The following FAM53A variants were observed in gnomAD, a reference collection of about 807,000 sequenced individuals.
FAM53A encodes the protein family with sequence similarity 53 member A, also known as protein FAM53A.
In FAM53A, 28 loss-of-function variants were observed where a neutral mutation model predicts 26.6. The observed-to-expected ratio is 1.05, with a 90% CI of 0.78 to 1.45. The LOEUF (loss-of-function observed/expected upper bound fraction) is 1.45. Among genes scored for constraint, FAM53A ranks in the 40% most tolerant of loss-of-function variants. The pLI is 0.00. For synonymous variants in FAM53A, 290 were observed against 253.1 expected (o/e 1.15, Z -1.38); for missense variants, 650 against 575.8 (o/e 1.13, Z -1.32).
chr4:1,636,996 C>T (rs1273494589), downstream of FAM53A, among the ~76,000 whole-genome samples: 1 of 152,190 alleles, frequency 6.6e-6, no homozygotes, highest in Non-Finnish European at 1.5e-5. Context: ...GCTGCACATG[C>T]GGCGGCGAGC....
At chr4:1,661,851 T>G (rs1713858039) in intron 2 of FAM53A, among the ~76,000 whole-genome samples, 1 of 152,004 alleles carries the variant, frequency 6.6e-6, no homozygotes, top group African/African-American at 2.4e-5. Context: ...TTCCTCCACA[T>G]GGTTACACAG....
intron 1 of FAM53A, among the ~76,000 whole-genome samples, chr4:1,677,299 C>G (rs972455728): frequency 6.6e-6 from 1 of 152,204 alleles, no homozygotes; most frequent in Admixed American, 6.5e-5. Flanking sequence ...ATGGCGCACT[C>G]TGCACCCCAC....
the FAM53A span, among the ~76,000 whole-genome samples, chr4:1,609,503 G>A: frequency 1.3e-5 from 2 of 152,102 alleles, no homozygotes; most frequent in African/African-American, 4.8e-5. Context: ...TCATACTGCT[G>A]TTCTCCTGAC....
At chr4:1,575,367 CATCATCCAAGGTGCAGACTGGATGCAG>C in the FAM53A span, among the ~76,000 whole-genome samples, 1 of 152,208 alleles carries the variant, frequency 6.6e-6, no homozygotes, top group Admixed American at 6.5e-5. Context: ...CTCCACTTGG[CATCATCCAAGGTGCAGACTGGATGCAG>C]ATCATCCAGT....
At chr4:1,590,801 A>T in the FAM53A span, among the ~76,000 whole-genome samples, 1 of 151,660 alleles carries the variant, frequency 6.6e-6, no homozygotes, top group Non-Finnish European at 1.5e-5. Flanking sequence ...TTATTATGCC[A>T]TTCAAATTAA....
chr4:1,656,546 G>A (rs953347686), intron 3 of FAM53A, among the ~76,000 whole-genome samples: 18 of 152,212 alleles, frequency 1.2e-4, no homozygotes, highest in African/African-American at 1.9e-4. Context: ...GAGAGCGGCC[G>A]GCTGGGTGAG....
intron 1 of FAM53A, among the ~76,000 whole-genome samples, chr4:1,619,068 C>A (rs1273171586): frequency 6.6e-6 from 1 of 152,246 alleles, no homozygotes; most frequent in African/African-American, 2.4e-5. Context: ...CACCCCAAAG[C>A]AGCCCACATA....
downstream of FAM53A, among the ~76,000 whole-genome samples, chr4:1,615,251 G>A (rs1714764535): frequency 7.0e-6 from 1 of 143,810 alleles, no homozygotes; most frequent in Non-Finnish European, 1.5e-5. Flanking sequence ...ACACATGGAA[G>A]ACAGGATGTG....
intron 2 of FAM53A, among the ~76,000 whole-genome samples, chr4:1,661,858 A>G (rs1462780602): frequency 2.0e-5 from 3 of 151,878 alleles, no homozygotes; most frequent in African/African-American, 7.3e-5. Flanking sequence ...ACATGGTTAC[A>G]CAGAGTGCAC....
At chr4:1,668,225 C>T (rs997491183) in intron 2 of FAM53A, among the ~76,000 whole-genome samples, 2 of 152,032 alleles carry the variant, frequency 1.3e-5, no homozygotes, top group South Asian at 2.1e-4. Context: ...CTGCAAGCTC[C>T]GCCTCCCGGG....
the FAM53A span, among the ~76,000 whole-genome samples, chr4:1,593,704 G>A: frequency 0.015 from 2,234 of 152,094 alleles, 47 homozygotes; most frequent in African/African-American, 0.051. Context: ...TAAATTACAC[G>A]GCTCTAAGTG....
chr4:1,598,354 C>T, the FAM53A span, among the ~76,000 whole-genome samples: 1 of 152,268 alleles, frequency 6.6e-6, no homozygotes, highest in African/African-American at 2.4e-5. Context: ...CCGCCAGGCC[C>T]TTGGCCCGGA....
chr4:1,668,619 C>G (rs773178838), intron 2 of FAM53A, 48 bp downstream of exon 2: 2 of 1,600,886 alleles, frequency 1.2e-6, no homozygotes, highest in East Asian at 4.5e-5. Flanking sequence ...TCCCCTGTGA[C>G]AGCACGGGGG....
At chr4:1,635,239 G>A (rs147041824), downstream of FAM53A, among the ~76,000 whole-genome samples, 797 of 152,182 alleles carry the variant, frequency 5.2e-3, 3 homozygotes, top group African/African-American at 0.017. Flanking sequence ...GGTCTTCTCC[G>A]CTGTGGCTTT....
intron 2 of FAM53A, 35 bp downstream of exon 2, chr4:1,668,632 G>A (rs1714411652): frequency 6.2e-7 from 1 of 1,609,950 alleles, no homozygotes; most frequent in Non-Finnish European, 8.5e-7. Flanking sequence ...CACGGGGGAG[G>A]GGCACCCAGC....
chr4:1,627,881 C>G (rs1281676789), intron 1 of FAM53A, among the ~76,000 whole-genome samples: 1 of 151,800 alleles, frequency 6.6e-6, no homozygotes, highest in East Asian at 2.0e-4. Context: ...TGAAGTGACT[C>G]TGGGAGAGAC....
the FAM53A span, among the ~76,000 whole-genome samples, chr4:1,611,573 G>C: frequency 2.0e-5 from 3 of 152,232 alleles, no homozygotes; most frequent in African/African-American, 7.2e-5. Flanking sequence ...AGCCCCTGCT[G>C]GGCCTCCAGA....
chr4:1,604,140 C>T, the FAM53A span, among the ~76,000 whole-genome samples: 2 of 152,190 alleles, frequency 1.3e-5, no homozygotes, highest in South Asian at 2.1e-4. Context: ...TGGACAGGAC[C>T]CGAGGAAAGG....
At chr4:1,662,886 C>A (rs980675467) in intron 2 of FAM53A, among the ~76,000 whole-genome samples, 1 of 152,086 alleles carries the variant, frequency 6.6e-6, no homozygotes, top group Admixed American at 6.6e-5. Context: ...GACAATAACA[C>A]GCGTTGATGA....
Sources: allele counts gnomAD v4.1 joint callset (sites outside exome capture counted in the v4.1 genomes callset), GRCh38; gene constraint gnomAD v4.1.1; transcripts MANE v1.5; gene names NCBI Gene and HGNC (gene_info 2026-07-23, HGNC 2026-07-21).